Variants in GCN1 observed in about 807,000 individuals in gnomAD.
GCN1 encodes GCN1 activator of EIF2AK4, also known as stalled ribosome sensor GCN1.
Under a neutral mutation model 288.4 loss-of-function variants are expected in GCN1, and 90 were observed. The observed-to-expected ratio is 0.31, with a 90% confidence interval of 0.26 to 0.37. The LOEUF (loss-of-function observed/expected upper bound fraction) is 0.37, where lower values mean the gene tolerates loss of function less well. GCN1 is among the 10% of genes least tolerant of loss of function. GCN1 has a pLI of 1.00. For synonymous variants in GCN1, 1,386 were observed against 1,420.2 expected, an observed-to-expected ratio of 0.98 and a Z score of 0.54; for missense variants, 2,586 against 3,419.9, an observed-to-expected ratio of 0.76 and a Z score of 6.08.
intron 1 of GCN1, among the ~76,000 whole-genome samples, chr12:120,193,264 GCTAA>G (rs1239193687): frequency 6.6e-6 from 1 of 152,122 alleles, no homozygotes; most frequent in East Asian, 1.9e-4. Context: ...GCTACATGTG[GCTAA>G]CTGTGCACTG....
At chr12:120,136,141 A>G (rs1171942681) in intron 51 of GCN1, among the ~76,000 whole-genome samples, 1 of 152,214 alleles carries the variant, frequency 6.6e-6, no homozygotes, top group Non-Finnish European at 1.5e-5. Flanking sequence ...TTTCAAAATA[A>G]TAGCATTTCA....
Position 120,134,781 on chromosome 12 carries a change from G to A in GCN1, c.7009-55C>T. ...CAGTTGTGGTAGACCCAAAGCCACA[G>A]TGTACCACAGGCATGAGAACAAATG... On this transcript the variant is annotated intron_variant, in intron 51 of 57. Coordinates refer to ENST00000300648, the MANE Select transcript of GCN1 (RefSeq NM_006836.2). This position sits in a 1 kb window ranked among gnomAD's most constrained non-coding sequence, Gnocchi z 5.0. 7.0e-7 allele frequency: 1 copy of A among 1,429,038 alleles called. No homozygotes were observed. Among genetic ancestry groups the A allele is most frequent in the Non-Finnish European group, 9.8e-7 (1 of 1,015,690 alleles). 88.5% of individuals were successfully genotyped at this position (1,429,038 alleles called of 1,614,324 possible). A position where few individuals can be genotyped will look rare whatever the true frequency, so the allele number is the denominator to read the frequency against.
intron 2 of GCN1, among the ~76,000 whole-genome samples, chr12:120,189,858 A>T (rs1443831863): frequency 2.0e-5 from 3 of 152,144 alleles, no homozygotes; most frequent in Non-Finnish European, 4.4e-5. Context: ...GCACACCTGT[A>T]ATCCCAGCTA....
rs1286791171 is a variant in GCN1, at chr12:120,147,242, G to A, written c.4757C>T (p.Thr1586Met). ...CTTCTGGGTCTTCCTGGAGGGATCC[G>A]TCAGGGCATCCAGGAGGACTGGAGC... is the stretch of plus-strand genomic sequence containing the variant. ...AIAPVLLDALTDPSRKTQKCL... is the reference protein window; with the variant it reads ...AIAPVLLDALMDPSRKTQKCL... The change falls in exon 38 of 58, where the codon ACG becomes ATG. Residue 1586 changes from threonine (T) to methionine (M), a missense_variant. Transcript: ENST00000300648. 3.1e-6 allele frequency: 5 copies of A among 1,606,408 alleles called. No homozygotes were observed. The highest frequency in any genetic ancestry group is 2.2e-5 in the East Asian group (1 of 44,792).
At position 120,153,457 on chromosome 12, in the gene GCN1, C is replaced by G. The variant is rs1877635674; in HGVS notation, c.3868-50G>C. The G allele has an allele frequency of 1.3e-6, 2 of 1,510,874 alleles. No individual in the cohort carries two copies. The highest frequency in any genetic ancestry group is 1.4e-5 in the African/African-American group (1 of 73,248). 93.6% of individuals were successfully genotyped at this position (1,510,874 alleles called of 1,614,324 possible). On this transcript the variant is annotated intron_variant, in intron 32 of 57. Coordinates refer to ENST00000300648, the MANE Select transcript of GCN1 (RefSeq NM_006836.2). The surrounding 1 kb of genome is among the most constrained non-coding windows in gnomAD (Gnocchi z 4.4). ...CTCAGGTCAACCCTACAGGCTGCAT[C>G]TGGGGACAACAGTCCCTGCCCTGAG...
At position 120,137,575 on chromosome 12, in the gene GCN1, C is replaced by T. The variant is rs777183394; in HGVS notation, c.6633G>A (p.Glu2211=). 6.2e-7 allele frequency: 1 copy of T among 1,614,210 alleles called. No individual in the cohort carries two copies. The highest frequency in any genetic ancestry group is 8.5e-7 in the Non-Finnish European group (1 of 1,180,022). ...TGATGGCATTTAGGGCATCCCAGCTCTCCTCCAGAACCACAGGGCTGGAGT... is the reference window on the plus strand; with the variant it reads ...TGATGGCATTTAGGGCATCCCAGCTTTCCTCCAGAACCACAGGGCTGGAGT... ...FNDSSPVVLE[E]SWDALNAITK... Residue 2211 remains glutamate (E), a synonymous_variant, in exon 49 of 58, where the codon GAG becomes GAA. Transcript: ENST00000300648. The surrounding 1 kb of genome is among the most constrained non-coding windows in gnomAD (Gnocchi z 5.2).
intron 1 of GCN1, 133 bp downstream of exon 1, chr12:120,194,547 C>A: frequency 1.1e-6 from 1 of 879,956 alleles, no homozygotes; most frequent in South Asian, 1.6e-5. Context: ...CAGCCTGAGA[C>A]GGCCCCGAGA....
rs756345459 is a variant in GCN1 at position 120,131,233 on chromosome 12, A to G, written c.7515T>C (p.Tyr2505=). 61 of 1,613,988 alleles carry G rather than the reference A, an allele frequency of 3.8e-5. 1 individual carries two copies. The Admixed American group carries it at 5.7e-4, about 15-fold the overall frequency. The change falls in exon 55 of 58, where the codon TAT becomes TAC. Residue 2505 remains tyrosine (Y), a synonymous_variant. Coordinates refer to ENST00000300648, the MANE Select transcript of GCN1 (RefSeq NM_006836.2). The part of the protein sequence containing the change: ...VAPGRLCAGR[Y]SSDVQEMILS... ...GGATCATTTCCTGAACATCACTGCTATATCTGCCGGCACAAAGTCTGCCAG... is the reference window on the plus strand; with the variant it reads ...GGATCATTTCCTGAACATCACTGCTGTATCTGCCGGCACAAAGTCTGCCAG...
intron 3 of GCN1, 92 bp from the exon 4 acceptor site, chr12:120,184,335 G>C (rs1878755640): frequency 9.2e-7 from 1 of 1,082,860 alleles, no homozygotes; most frequent in East Asian, 2.4e-5. Context: ...TCTTTCTCAG[G>C]AGAAACTGAT....
In GCN1 at chr12:120,194,615, C is replaced by G. The variant is rs1376778920; in HGVS notation, c.18+65G>C. The G allele has an allele frequency of 1.6e-5, 23 of 1,455,454 alleles. No individual in the cohort carries two copies. The East Asian group carries it at 6.2e-4, about 39-fold the overall frequency. 90.2% of individuals were successfully genotyped at this position (1,455,454 alleles called of 1,614,324 possible). A position where few individuals can be genotyped will look rare whatever the true frequency, so the allele number is the denominator to read the frequency against. On this transcript the variant is annotated intron_variant, in intron 1 of 57. Transcript: ENST00000300648. ...CCTAAGCCGAGGAGCGAGAGGGGCC[C>G]CGCCCGACGGCCACCGTCCGCACCC... is the stretch of plus-strand genomic sequence containing the variant.
intron 5 of GCN1, among the ~76,000 whole-genome samples, chr12:120,182,949 A>C (rs561313420): frequency 4.6e-5 from 7 of 151,792 alleles, no homozygotes; most frequent in African/African-American, 1.5e-4. Flanking sequence ...AAAAAAAAAA[A>C]AAACTACTCC....
intron 14 of GCN1, among the ~76,000 whole-genome samples, chr12:120,173,153 G>A (rs1032311301): frequency 2.7e-5 from 4 of 149,270 alleles, no homozygotes; most frequent in Non-Finnish European, 4.4e-5. Context: ...TCCATCTACC[G>A]GGTTCAATTC....
intron 4 of GCN1, 47 bp downstream of exon 4, chr12:120,184,065 A>C: frequency 1.3e-6 from 2 of 1,552,968 alleles, no homozygotes; most frequent in Non-Finnish European, 1.8e-6. Flanking sequence ...GCTTCTCCTG[A>C]GCAGGACTGT....
Position 120,155,706 on chromosome 12 carries a change from A to C in GCN1, c.3326T>G (p.Leu1109Arg). The C allele has an allele frequency of 6.2e-7, 1 of 1,614,006 alleles. No individual in the cohort carries two copies. The highest frequency in any genetic ancestry group is 8.5e-7 in the Non-Finnish European group (1 of 1,179,976). The change falls in exon 29 of 58, where the codon CTC (leucine) becomes CGC (arginine). Residue 1109 changes from leucine to arginine, a missense_variant. Transcript: ENST00000300648. This position sits in a 1 kb window ranked among gnomAD's most constrained non-coding sequence, Gnocchi z 4.9. Reference protein sequence around the residue: ...RETVLRGLMELHMVLPAPDTD... With the variant: ...RETVLRGLMERHMVLPAPDTD... ...ATCAGGTGCTGGCAATACCATGTGGAGTTCCATCAGCCCCTGGAAGGGGTG... is the reference window on the plus strand; with the variant it reads ...ATCAGGTGCTGGCAATACCATGTGGCGTTCCATCAGCCCCTGGAAGGGGTG...
In GCN1 at chr12:120,142,283, G is replaced by A. The variant is rs1265378680; in HGVS notation, c.5829+224C>T. Among the ~76,000 whole-genome samples the A allele has an allele frequency of 1.3e-5, 2 of 152,134 alleles. No homozygotes were observed. The highest frequency in any genetic ancestry group is 4.1e-4 in the South Asian group (2 of 4,832). On this transcript the variant is annotated intron_variant, in intron 44 of 57. Coordinates refer to ENST00000300648, the MANE Select transcript of GCN1 (RefSeq NM_006836.2). The surrounding 1 kb of genome is among the most constrained non-coding windows in gnomAD (Gnocchi z 4.9). ...GGAGCTTGCAGTGAGCTGAGATCAC[G>A]CCACTGCACTTCAGCCTGGGCGACA...
intron 9 of GCN1, 147 bp downstream of exon 9, chr12:120,177,300 T>C: frequency 1.7e-6 from 1 of 589,634 alleles, no homozygotes; most frequent in Non-Finnish European, 3.1e-6. Flanking sequence ...AGGTCCCCAA[T>C]CTCTCTCCCA....
chr12:120,177,226 G>A (rs939964484), intron 9 of GCN1, among the ~76,000 whole-genome samples: 4 of 152,028 alleles, frequency 2.6e-5, no homozygotes, highest in East Asian at 1.9e-4. Context: ...GCCCACTGCC[G>A]CCTCCCAAAG....
At chr12:120,128,289 C>G (rs921449591) in intron 57 of GCN1, among the ~76,000 whole-genome samples, 3 of 152,096 alleles carry the variant, frequency 2.0e-5, no homozygotes, top group Non-Finnish European at 4.4e-5. Flanking sequence ...CGCACCTGGC[C>G]CCATCATGCT....
chr12:120,130,556 G>C (rs1188138925), intron 56 of GCN1, 90 bp downstream of exon 56: 2 of 837,482 alleles, frequency 2.4e-6, no homozygotes, highest in African/African-American at 3.3e-5. Flanking sequence ...CACACAACTA[G>C]TTGAGGGCGC....
Sources: gnomAD v4.1 joint callset for allele counts (sites outside exome capture counted in the v4.1 genomes callset) on GRCh38, gnomAD v4.1.1 for gene constraint, Gnocchi (gnomAD v3.1) non-coding constraint, MANE v1.5 for transcripts, NCBI Gene and HGNC (gene_info 2026-07-23, HGNC 2026-07-21) for gene names.